The following SPTLC2 variants were observed in gnomAD, a reference collection of about 807,000 sequenced individuals.
SPTLC2 encodes serine palmitoyltransferase 2.
SPTLC2 carries 21 observed loss-of-function variants against 62.0 expected under a neutral mutation model. The observed-to-expected ratio is 0.34, with a 90% CI of 0.24 to 0.49. The LOEUF (loss-of-function observed/expected upper bound fraction) is 0.49, where lower values mean the gene tolerates loss of function less well. Ranked by LOEUF, SPTLC2 falls within the 20% of genes least tolerant of loss-of-function variation. The pLI is 0.99. For missense variants in SPTLC2, 511 were observed against 713.0 expected (o/e 0.72, Z 3.23); for synonymous variants, 261 against 261.8 (o/e 1.00, Z 0.03).
At chr14:77,553,972 C>A (rs1470498586) in intron 8 of SPTLC2, among the ~76,000 whole-genome samples, 1 of 151,998 alleles carries the variant, frequency 6.6e-6, no homozygotes, top group Non-Finnish European at 1.5e-5. Context: ...GTGCCACCAC[C>A]ACACCCAGCT....
chr14:77,560,864 G>C (rs1289616497), intron 6 of SPTLC2, among the ~76,000 whole-genome samples: 1 of 146,418 alleles, frequency 6.8e-6, no homozygotes, highest in Non-Finnish European at 1.5e-5. Flanking sequence ...ACTTGAGAGT[G>C]AGGCAGGGGA....
intron 9 of SPTLC2, among the ~76,000 whole-genome samples, chr14:77,540,205 C>CAAA (rs34847653): frequency 8.0e-5 from 7 of 87,672 alleles, no homozygotes; most frequent in East Asian, 3.4e-4. Flanking sequence ...ACTCTTGTCT[C>CAAA]AAAAAAAAAA....
At chr14:77,597,027 T>C (rs1452110010) in intron 2 of SPTLC2, among the ~76,000 whole-genome samples, 159 bp downstream of exon 2, 4 of 152,222 alleles carry the variant, frequency 2.6e-5, no homozygotes, top group African/African-American at 9.6e-5. Context: ...AACCTTGTTA[T>C]TTTTCAGCTT....
chr14:77,570,538 C>A, intron 4 of SPTLC2, 30 bp from the exon 5 acceptor site: 2 of 1,585,494 alleles, frequency 1.3e-6, no homozygotes, highest in South Asian at 1.1e-5. Flanking sequence ...AAGTCAGTAT[C>A]ACAAAATCCT....
At chr14:77,531,827 T>G (rs2079442592) in intron 9 of SPTLC2, among the ~76,000 whole-genome samples, 1 of 152,296 alleles carries the variant, frequency 6.6e-6, no homozygotes, top group East Asian at 1.9e-4. Flanking sequence ...TGTTTTATAC[T>G]GCAATCTGGG....
chr14:77,600,503 T>C (rs750498901), intron 1 of SPTLC2, among the ~76,000 whole-genome samples: 5 of 152,222 alleles, frequency 3.3e-5, no homozygotes, highest in African/African-American at 4.8e-5. Flanking sequence ...ACAATAATGG[T>C]ATTACTCTCT....
At chr14:77,536,519 T>C (rs934184678) in intron 9 of SPTLC2, among the ~76,000 whole-genome samples, 1 of 152,168 alleles carries the variant, frequency 6.6e-6, no homozygotes, top group African/African-American at 2.4e-5. Flanking sequence ...GTTCTGCACC[T>C]CTTATGACAA....
intron 10 of SPTLC2, among the ~76,000 whole-genome samples, chr14:77,519,855 G>T (rs937904358): frequency 6.6e-6 from 1 of 151,940 alleles, no homozygotes; most frequent in South Asian, 2.1e-4. Context: ...AAACTGTCTA[G>T]TGCCTTATTC....
At chr14:77,527,726 G>A (rs1454017003) in intron 9 of SPTLC2, among the ~76,000 whole-genome samples, 5 of 107,490 alleles carry the variant, frequency 4.7e-5, no homozygotes, top group Non-Finnish European at 1.9e-5. Flanking sequence ...TTTTCTGAAC[G>A]CTCAAGACTG....
In SPTLC2 at chr14:77,568,412, G is replaced by A. The variant is rs540652897; in HGVS notation, c.756+1972C>T. Among the ~76,000 whole-genome samples, 3 of 152,274 alleles carry A rather than the reference G, an allele frequency of 2.0e-5. No homozygotes were observed. The South Asian group carries it at 6.2e-4, about 32-fold the overall frequency. On this transcript the variant is annotated intron_variant, in intron 5 of 11. Coordinates refer to ENST00000216484, the MANE Select transcript of SPTLC2 (RefSeq NM_004863.4). ...GTAGTAAATGTTTTGCTGTTGTTGA[G>A]TGAAGTGTTTCATGACTCTCAATTA...
intron 4 of SPTLC2, among the ~76,000 whole-genome samples, chr14:77,575,642 T>C (rs962382696): frequency 2.6e-5 from 4 of 152,234 alleles, no homozygotes; most frequent in Non-Finnish European, 5.9e-5. Context: ...AGGGATGCTC[T>C]GGCCTCAGCC....
intron 9 of SPTLC2, among the ~76,000 whole-genome samples, chr14:77,535,186 C>T (rs2079463062): frequency 6.6e-6 from 1 of 152,130 alleles, no homozygotes; most frequent in African/African-American, 2.4e-5. Context: ...CTCGGCCTTC[C>T]AAAGTGCTAG....
chr14:77,529,245 AACT>A (rs1566769791), intron 9 of SPTLC2, among the ~76,000 whole-genome samples: 2 of 137,564 alleles, frequency 1.5e-5, no homozygotes, highest in African/African-American at 2.7e-5. Context: ...TCTCTTTGAA[AACT>A]TCTTCTTTTT....
intron 7 of SPTLC2, among the ~76,000 whole-genome samples, chr14:77,556,114 G>A (rs1286948634): frequency 6.6e-6 from 1 of 152,090 alleles, no homozygotes; most frequent in African/African-American, 2.4e-5. Context: ...CTTGAGGTCA[G>A]GAGTTCGAGA....
intron 1 of SPTLC2, among the ~76,000 whole-genome samples, chr14:77,606,308 G>A (rs1054610451): frequency 6.6e-6 from 1 of 152,070 alleles, no homozygotes; most frequent in Non-Finnish European, 1.5e-5. Flanking sequence ...CTCCAGCCTG[G>A]GCAACAGAGC....
intron 1 of SPTLC2, among the ~76,000 whole-genome samples, chr14:77,610,195 C>T (rs530317582): frequency 3.3e-5 from 5 of 152,230 alleles, no homozygotes; most frequent in Admixed American, 6.5e-5. Context: ...AGCTGAAGTG[C>T]AGTGGCACCA....
chr14:77,550,686 G>A (rs1171424892), intron 9 of SPTLC2, among the ~76,000 whole-genome samples: 2 of 151,992 alleles, frequency 1.3e-5, no homozygotes, highest in African/African-American at 4.8e-5. Context: ...CAGACTGCTT[G>A]AGCCCAGGGG....
At chr14:77,581,435 A>G (rs2140042998) in intron 2 of SPTLC2, among the ~76,000 whole-genome samples, 1 of 101,104 alleles carries the variant, frequency 9.9e-6, no homozygotes, top group African/African-American at 3.6e-5. Flanking sequence ...TTTGAGGCAG[A>G]GTTTCACTCT....
intron 4 of SPTLC2, among the ~76,000 whole-genome samples, chr14:77,574,351 G>T (rs2079701631): frequency 6.6e-6 from 1 of 152,156 alleles, no homozygotes; most frequent in Non-Finnish European, 1.5e-5. Flanking sequence ...CAAGATGACT[G>T]GAAGATGATA....
Sources: allele counts gnomAD v4.1 joint callset (sites outside exome capture counted in the v4.1 genomes callset), GRCh38; gene constraint gnomAD v4.1.1; transcripts MANE v1.5; gene names NCBI Gene and HGNC (gene_info 2026-07-23, HGNC 2026-07-21).